The following ANO2 variants were observed in gnomAD, a reference collection of about 807,000 sequenced individuals.
ANO2 encodes anoctamin-2.
ANO2 carries 101 observed loss-of-function variants against 124.2 expected under a neutral mutation model. The ratio of observed to expected loss-of-function variants is 0.81; its 90% confidence interval spans 0.69 to 0.96. The LOEUF (loss-of-function observed/expected upper bound fraction) is 0.96. ANO2 is among the 40% of genes least tolerant of loss of function. ANO2 has a pLI of 0.00. For synonymous variants in ANO2, 486 were observed against 482.5 expected (o/e 1.01, Z -0.09); for missense variants, 1,293 against 1,274.5 (o/e 1.01, Z -0.22).
intron 3 of ANO2, among the ~76,000 whole-genome samples, chr12:5,881,290 C>T (rs1938484276): frequency 6.6e-6 from 1 of 152,160 alleles, no homozygotes; most frequent in Non-Finnish European, 1.5e-5. Context: ...GCATCCAAAT[C>T]AGACTTTCCA....
chr12:5,839,924 G>GGC (rs1954459975), intron 4 of ANO2, among the ~76,000 whole-genome samples: 1 of 152,028 alleles, frequency 6.6e-6, no homozygotes, highest in East Asian at 1.9e-4. Flanking sequence ...TTTGATCCTT[G>GGC]GCTGGGCTCC....
chr12:5,617,052 T>A (rs1565480539), intron 16 of ANO2, among the ~76,000 whole-genome samples: 1 of 152,078 alleles, frequency 6.6e-6, no homozygotes, highest in East Asian at 1.9e-4. Flanking sequence ...GATCACAGTG[T>A]ACCACCTTCT....
intron 4 of ANO2, among the ~76,000 whole-genome samples, chr12:5,845,745 C>T (rs1591687651): frequency 6.6e-6 from 1 of 152,020 alleles, no homozygotes; most frequent in Non-Finnish European, 1.5e-5. Flanking sequence ...ATTTTGAGTC[C>T]CTGACTATCT....
chr12:5,707,975 T>G (rs1204620027), intron 14 of ANO2, among the ~76,000 whole-genome samples: 2 of 152,240 alleles, frequency 1.3e-5, no homozygotes, highest in Non-Finnish European at 2.9e-5. Context: ...CCCAACTGCC[T>G]AAATGACTTC....
intron 20 of ANO2, among the ~76,000 whole-genome samples, chr12:5,589,304 G>T (rs774375222): frequency 2.6e-5 from 4 of 152,172 alleles, no homozygotes; most frequent in Non-Finnish European, 5.9e-5. Context: ...GCCTGGGATG[G>T]GGGAGGGGAG....
At chr12:5,827,497 G>A (rs541656782) in intron 7 of ANO2, among the ~76,000 whole-genome samples, 1 of 152,304 alleles carries the variant, frequency 6.6e-6, no homozygotes, top group South Asian at 2.1e-4. Context: ...GGCAGGTGTG[G>A]GCGGTACAGG....
chr12:5,923,078 A>ACATACACACATG (rs1941812425), intron 1 of ANO2, among the ~76,000 whole-genome samples: 1 of 22,268 alleles, frequency 4.5e-5, no homozygotes, highest in African/African-American at 1.1e-4. Flanking sequence ...ACACATGCAC[A>ACATACACACATG]CATACACACA....
chr12:5,704,607 C>A (rs1949532768), intron 14 of ANO2, among the ~76,000 whole-genome samples: 1 of 152,108 alleles, frequency 6.6e-6, no homozygotes, highest in South Asian at 2.1e-4. Context: ...AATCTGAAAT[C>A]TGTCTTCCCT....
chr12:5,615,331 G>C, intron 16 of ANO2, 34 bp from the exon 17 acceptor site: 1 of 1,541,932 alleles, frequency 6.5e-7, no homozygotes, highest in Non-Finnish European at 8.9e-7. Context: ...TGAGATTGGG[G>C]TGAGATTTCT....
intron 10 of ANO2, among the ~76,000 whole-genome samples, chr12:5,789,098 G>C (rs1952625256): frequency 6.6e-6 from 1 of 152,206 alleles, no homozygotes. Flanking sequence ...GGACAAAGAA[G>C]AGATCACCGC....
At chr12:5,855,805 C>T (rs1013182050) in intron 3 of ANO2, among the ~76,000 whole-genome samples, 1 of 152,204 alleles carries the variant, frequency 6.6e-6, no homozygotes, top group Non-Finnish European at 1.5e-5. Context: ...AGATAGTGTT[C>T]AGACATGACA....
chr12:5,800,992 C>T lies in ANO2; in HGVS notation c.991-1421G>A, dbSNP rs184906476. Among the ~76,000 whole-genome samples, 8 of 152,076 alleles carry T rather than the reference C, an allele frequency of 5.3e-5. No individual in the cohort carries two copies. The East Asian group carries it at 1.5e-3, about 29-fold the overall frequency. On this transcript the variant is annotated intron_variant, in intron 9 of 24. Coordinates refer to ENST00000682330, the MANE Select transcript of ANO2 (RefSeq NM_001364791.2). ...GAGTAAAGGAGAGAGAAGGAGAGGCCCAGTGATGTGGAGGAGAACCAGAAG... is the reference window on the plus strand; with the variant it reads ...GAGTAAAGGAGAGAGAAGGAGAGGCTCAGTGATGTGGAGGAGAACCAGAAG...
chr12:5,841,320 C>T (rs1036435533), intron 4 of ANO2, among the ~76,000 whole-genome samples: 3 of 152,214 alleles, frequency 2.0e-5, no homozygotes, highest in African/African-American at 4.8e-5. Flanking sequence ...GCCCATTCCC[C>T]TCCACCCCAC....
At chr12:5,812,699 A>AGGGAG (rs796732656) in intron 7 of ANO2, among the ~76,000 whole-genome samples, 3 of 126,024 alleles carry the variant, frequency 2.4e-5, no homozygotes, top group Non-Finnish European at 5.1e-5. Flanking sequence ...AAAGAAAGAG[A>AGGGAG]AAGAAAAGAA....
intron 14 of ANO2, among the ~76,000 whole-genome samples, chr12:5,711,602 C>T (rs149426433): frequency 6.6e-6 from 1 of 152,254 alleles, no homozygotes; most frequent in South Asian, 2.1e-4. Context: ...ATTTACTGAC[C>T]AGTTCCCCAA....
chr12:5,688,666 A>G (rs1948801565), intron 14 of ANO2, among the ~76,000 whole-genome samples: 1 of 152,184 alleles, frequency 6.6e-6, no homozygotes, highest in Non-Finnish European at 1.5e-5. Context: ...AGTTTAATCC[A>G]AATTTGCCTA....
chr12:5,567,659 T>C (rs1183410477), intron 23 of ANO2, among the ~76,000 whole-genome samples: 1 of 152,244 alleles, frequency 6.6e-6, no homozygotes, highest in African/African-American at 2.4e-5. Flanking sequence ...CACCCCTCTT[T>C]TTTCCAGTCT....
chr12:5,772,938 T>C (rs1289381880), intron 10 of ANO2, among the ~76,000 whole-genome samples: 1 of 152,240 alleles, frequency 6.6e-6, no homozygotes, highest in Admixed American at 6.5e-5. Context: ...TTCGCTGCCT[T>C]GCTCCACCTG....
At chr12:5,642,596 G>T (rs1181183580) in intron 15 of ANO2, among the ~76,000 whole-genome samples, 1 of 152,054 alleles carries the variant, frequency 6.6e-6, no homozygotes, top group Non-Finnish European at 1.5e-5. Context: ...TCCCACCCTT[G>T]CCTTTCTACC....
Sources: allele counts gnomAD v4.1 joint callset (sites outside exome capture counted in the v4.1 genomes callset), GRCh38; gene constraint gnomAD v4.1.1; transcripts MANE v1.5; gene names NCBI Gene and HGNC (gene_info 2026-07-23, HGNC 2026-07-21).